Variants in MAST4 observed in about 807,000 individuals in gnomAD.
The protein encoded by MAST4 is microtubule-associated serine/threonine-protein kinase 4.
Under a neutral mutation model 162.7 loss-of-function variants are expected in MAST4, and 89 were observed. That is an observed-to-expected ratio of 0.55 (90% CI 0.46 to 0.65). The LOEUF is 0.65. Ranked by LOEUF, MAST4 falls within the 30% of genes least tolerant of loss-of-function variation. MAST4 has a pLI of 0.00. For missense variants in MAST4, 3,153 were observed against 3,374.0 expected (o/e 0.93, Z 1.62); for synonymous variants, 1,479 against 1,361.1 (o/e 1.09, Z -1.91).
chr5:66,617,470 G>T (rs912642303), intron 1 of MAST4, among the ~76,000 whole-genome samples: 10 of 142,750 alleles, frequency 7.0e-5, no homozygotes, highest in Non-Finnish European at 1.2e-4. Flanking sequence ...AAGCAGAGAA[G>T]GGTTATTTTT....
chr5:66,804,318 A>T (rs987739801), intron 3 of MAST4, among the ~76,000 whole-genome samples: 3 of 152,236 alleles, frequency 2.0e-5, no homozygotes, highest in African/African-American at 7.2e-5. Context: ...ATTAATAAGG[A>T]TTTCTTGCTG....
intron 4 of MAST4, among the ~76,000 whole-genome samples, chr5:66,960,622 C>A (rs1444264999): frequency 6.6e-6 from 1 of 152,148 alleles, no homozygotes; most frequent in East Asian, 1.9e-4. Context: ...GGGGCATTAA[C>A]CTCCCGCTTT....
chr5:66,849,056 C>G (rs974632507), intron 3 of MAST4, among the ~76,000 whole-genome samples: 7 of 152,176 alleles, frequency 4.6e-5, no homozygotes, highest in East Asian at 1.9e-4. Context: ...AATAATGACT[C>G]TCAATATCCC....
intron 4 of MAST4, among the ~76,000 whole-genome samples, chr5:66,937,322 A>G (rs1456128394): frequency 6.6e-6 from 1 of 152,144 alleles, no homozygotes; most frequent in East Asian, 1.9e-4. Flanking sequence ...GCACGCTCAT[A>G]TGTACTGCTT....
At chr5:67,110,074 A>G in intron 10 of MAST4, 24 bp from the exon 11 acceptor site, 2 of 1,536,910 alleles carry the variant, frequency 1.3e-6, no homozygotes, top group Non-Finnish European at 1.8e-6. Context: ...CTGCATCATC[A>G]CTCTCTTTAT....
At chr5:67,013,021 T>C (rs774368112) in intron 4 of MAST4, among the ~76,000 whole-genome samples, 18 of 152,228 alleles carry the variant, frequency 1.2e-4, no homozygotes, top group Admixed American at 3.3e-4. Context: ...ATATCTCTTA[T>C]CTGAAGCACC....
intron 3 of MAST4, among the ~76,000 whole-genome samples, chr5:66,834,325 G>A (rs1011056131): frequency 3.3e-5 from 5 of 152,166 alleles, no homozygotes; most frequent in African/African-American, 9.7e-5. Context: ...ACGCGAAGAC[G>A]TGAGACAGGA....
intron 1 of MAST4, among the ~76,000 whole-genome samples, chr5:66,742,059 C>G (rs1752505737): frequency 6.6e-6 from 1 of 152,198 alleles, no homozygotes; most frequent in Admixed American, 6.5e-5. Context: ...ATTTCAGGCT[C>G]TCACTTAGAA....
chr5:67,141,513 G>A (rs1214158617), intron 19 of MAST4, among the ~76,000 whole-genome samples: 2 of 152,082 alleles, frequency 1.3e-5, no homozygotes, highest in Non-Finnish European at 2.9e-5. Context: ...GGAAAAAGAA[G>A]CCTGAAACTT....
At chr5:66,769,820 T>A (rs1463022822) in intron 2 of MAST4, among the ~76,000 whole-genome samples, 2 of 152,212 alleles carry the variant, frequency 1.3e-5, no homozygotes, top group African/African-American at 4.8e-5. Flanking sequence ...TCTTTACAGT[T>A]CTCCTGATGG....
At chr5:66,822,203 C>T (rs930419039) in intron 3 of MAST4, among the ~76,000 whole-genome samples, 4 of 152,268 alleles carry the variant, frequency 2.6e-5, no homozygotes, top group Non-Finnish European at 5.9e-5. Flanking sequence ...GCATGGCTTC[C>T]AGGAAATCAA....
At position 67,054,174 on chromosome 5, in the gene MAST4, C is replaced by A. The variant is rs372043576; in HGVS notation, c.675-230C>A. ...TGGAAGAAGGCATTTGATTATTGCT[C>A]CACTGGTGGTGAGGAATATTGATGG... is the stretch of plus-strand genomic sequence containing the variant. On this transcript the variant is annotated intron_variant, in intron 4 of 28. Transcript: ENST00000403625. Among the ~76,000 whole-genome samples, 259 of 152,210 alleles carry A rather than the reference C, an allele frequency of 1.7e-3. 2 individuals are homozygous for A. The highest frequency in any genetic ancestry group is 6.1e-3 in the African/African-American group (254 of 41,544).
chr5:66,982,497 A>G (rs576855696), intron 4 of MAST4, among the ~76,000 whole-genome samples: 6 of 152,340 alleles, frequency 3.9e-5, no homozygotes, highest in Non-Finnish European at 7.3e-5. Flanking sequence ...GTGACAATCT[A>G]TTAGAATCTC....
chr5:66,599,179 ATCT>A (rs1742393400), intron 1 of MAST4, among the ~76,000 whole-genome samples: 1 of 152,158 alleles, frequency 6.6e-6, no homozygotes, highest in Non-Finnish European at 1.5e-5. Flanking sequence ...AGGAGTGATA[ATCT>A]TTGTGAAAGG....
intron 25 of MAST4, 141 bp from the exon 26 acceptor site, chr5:67,153,317 G>A (rs1047343557): frequency 3.6e-6 from 3 of 839,228 alleles, no homozygotes; most frequent in Non-Finnish European, 5.1e-6. Flanking sequence ...TGATAGAATA[G>A]GAATAGTAAA....
At chr5:66,984,790 C>T (rs553743338) in intron 4 of MAST4, among the ~76,000 whole-genome samples, 2 of 151,942 alleles carry the variant, frequency 1.3e-5, no homozygotes, top group East Asian at 3.9e-4. Flanking sequence ...AGGGAAACAG[C>T]AAAAACAAGG....
chr5:67,054,976 A>G (rs1758623146), intron 5 of MAST4, among the ~76,000 whole-genome samples: 1 of 152,172 alleles, frequency 6.6e-6, no homozygotes, highest in Admixed American at 6.5e-5. Flanking sequence ...CAGTACTGTA[A>G]AAACTAGACA....
chr5:66,746,653 T>A (rs1487551316), intron 1 of MAST4, among the ~76,000 whole-genome samples: 1 of 152,184 alleles, frequency 6.6e-6, no homozygotes, highest in Non-Finnish European at 1.5e-5. Context: ...TCCTGCTTGT[T>A]AAGCATGGTC....
intron 4 of MAST4, among the ~76,000 whole-genome samples, chr5:66,926,756 GA>G (rs1344216923): frequency 1.3e-5 from 2 of 151,704 alleles, no homozygotes; most frequent in Non-Finnish European, 2.9e-5. Flanking sequence ...CTATATGAAG[GA>G]AAAAAGGAAA....
Sources: gnomAD v4.1 joint callset for allele counts (sites outside exome capture counted in the v4.1 genomes callset) on GRCh38, gnomAD v4.1.1 for gene constraint, MANE v1.5 for transcripts, NCBI Gene and HGNC (gene_info 2026-07-23, HGNC 2026-07-21) for gene names.